PHF21B: variants seen among roughly 807,000 people sequenced by gnomAD.
The protein encoded by PHF21B is PHD finger protein 21B.
Under a neutral mutation model 62.2 loss-of-function variants are expected in PHF21B, and 22 were observed. The ratio of observed to expected loss-of-function variants is 0.35; its 90% CI spans 0.25 to 0.51. PHF21B has a LOEUF of 0.51. PHF21B is among the 20% of genes least tolerant of loss of function. The pLI is 0.97. For synonymous variants in PHF21B, 341 were observed against 314.7 expected (o/e 1.08, Z -0.88); for missense variants, 701 against 707.9 (o/e 0.99, Z 0.11).
chr22:44,905,235 T>G (rs1334487558), intron 5 of PHF21B, among the ~76,000 whole-genome samples: 1 of 152,226 alleles, frequency 6.6e-6, no homozygotes, highest in Non-Finnish European at 1.5e-5. Flanking sequence ...CTCCTATTTT[T>G]TCTTTTACAT....
intron 2 of PHF21B, among the ~76,000 whole-genome samples, chr22:44,978,986 C>T (rs1439469628): frequency 1.3e-5 from 2 of 152,210 alleles, no homozygotes; most frequent in Non-Finnish European, 2.9e-5. Context: ...CACAGCCTCA[C>T]CCCCAGTAAC....
chr22:44,911,860 C>T (rs371158772), intron 5 of PHF21B, among the ~76,000 whole-genome samples: 19 of 151,524 alleles, frequency 1.3e-4, no homozygotes, highest in African/African-American at 3.9e-4. Flanking sequence ...ACCAACAGCT[C>T]GTACTGTGCA....
At chr22:45,006,276 C>G (rs2147545852) in intron 2 of PHF21B, among the ~76,000 whole-genome samples, 1 of 152,334 alleles carries the variant, frequency 6.6e-6, no homozygotes, top group African/African-American at 2.4e-5. Flanking sequence ...CAGGCCAAAT[C>G]CTGGCTGCTT....
In PHF21B at chr22:44,893,176, G is replaced by A. The variant is rs115093466; in HGVS notation, c.960+281C>T. 3.7e-3 allele frequency among the ~76,000 whole-genome samples: 561 copies of A among 152,194 alleles called. 3 individuals carry two copies. Among genetic ancestry groups the A allele is most frequent in the African/African-American group, 0.013 (543 of 41,536 alleles). On this transcript the variant is annotated intron_variant, in intron 7 of 12. Transcript: ENST00000313237. ...GATTTGCCTGATCATTCAGGGTGAA[G>A]AGGCAAGAAGCCGGTGTACCTCACA...
intron 2 of PHF21B, among the ~76,000 whole-genome samples, chr22:44,946,212 C>T (rs1327870473): frequency 3.3e-5 from 5 of 152,042 alleles, no homozygotes; most frequent in Non-Finnish European, 2.9e-5. Context: ...GGGGGCACCA[C>T]GTACTTCTGG....
chr22:44,930,538 A>G (rs1235780553), intron 2 of PHF21B, among the ~76,000 whole-genome samples: 2 of 125,884 alleles, frequency 1.6e-5, no homozygotes, highest in African/African-American at 3.0e-5. Context: ...GAAAGCACAT[A>G]GGAGTCGGGA....
At chr22:44,979,958 A>G (rs1456277823) in intron 2 of PHF21B, among the ~76,000 whole-genome samples, 1 of 149,454 alleles carries the variant, frequency 6.7e-6, no homozygotes, top group Non-Finnish European at 1.5e-5. Flanking sequence ...AGTCCCAGCT[A>G]CTCGGGAGGC....
intron 2 of PHF21B, among the ~76,000 whole-genome samples, chr22:44,977,077 G>GT (rs2045164793): frequency 1.3e-5 from 2 of 152,102 alleles, no homozygotes; most frequent in African/African-American, 4.8e-5. Flanking sequence ...CTGTGATCAT[G>GT]TCACTGCACT....
chr22:44,926,563 C>A (rs554253708), intron 2 of PHF21B, among the ~76,000 whole-genome samples: 223 of 152,298 alleles, frequency 1.5e-3, no homozygotes, highest in African/African-American at 5.2e-3. Context: ...CTCTGTGAGT[C>A]CTGGAGGGTT....
intron 5 of PHF21B, among the ~76,000 whole-genome samples, chr22:44,899,636 T>TC (rs934492878): frequency 2.6e-5 from 4 of 151,766 alleles, no homozygotes; most frequent in Admixed American, 6.6e-5. Flanking sequence ...TCTCCTTCCT[T>TC]CTTCTTCTCC....
intron 2 of PHF21B, among the ~76,000 whole-genome samples, chr22:44,957,181 G>C (rs2072317201): frequency 6.6e-6 from 1 of 152,246 alleles, no homozygotes; most frequent in African/African-American, 2.4e-5. Context: ...CACAGCCTCT[G>C]CAGGGGACTG....
At position 44,887,956 on chromosome 22, in the gene PHF21B, C is replaced by A; in HGVS notation, c.1197+7G>T. 1 of 1,516,484 alleles carries A rather than the reference C, an allele frequency of 6.6e-7. No individual in the cohort carries two copies. Among genetic ancestry groups the A allele is most frequent in the Non-Finnish European group, 8.8e-7 (1 of 1,130,506 alleles). The allele number at this position is 1,516,484 out of a possible 1,614,324, so 93.9% of individuals were successfully genotyped here. A position where few individuals can be genotyped will look rare whatever the true frequency, so the allele number is the denominator to read the frequency against. On this transcript the variant is annotated splice_region_variant and intron_variant, in intron 10 of 12. Coordinates refer to ENST00000313237, the MANE Select transcript of PHF21B (RefSeq NM_138415.5). The stretch of plus-strand genomic sequence containing the variant: ...CTGGGGTGAGGGGGTCACACAGCCT[C>A]CTGTACCTTCTGCTGGCACCTGGGG...
rs549384092 is a variant in PHF21B at position 44,932,897 on chromosome 22, G to A, written c.121-12407C>T. On this transcript the variant is annotated intron_variant, in intron 2 of 12. Transcript: ENST00000313237. ...ACAGAGCTTAGGCCACAGCTCACTG[G>A]ATTTGACAAACATCTACACCCAAGT... Among the ~76,000 whole-genome samples the A allele has an allele frequency of 2.6e-5, 4 of 152,324 alleles. No individual in the cohort carries two copies. In the South Asian group the frequency reaches 8.3e-4, roughly 32 times the overall value.
At chr22:44,933,502 G>A (rs951586718) in intron 2 of PHF21B, 3 of 985,502 alleles carry the variant, frequency 3.0e-6, no homozygotes, top group Non-Finnish European at 3.6e-6. Context: ...GCACAGATGA[G>A]AGGTTCTGCC....
intron 4 of PHF21B, 90 bp from the exon 5 acceptor site, chr22:44,914,178 G>C: frequency 1.7e-6 from 1 of 586,200 alleles, no homozygotes. Context: ...AGGGGTTGGG[G>C]AGCACAGAGC....
In PHF21B at chr22:44,930,797, G is replaced by A. The variant is rs1035828556; in HGVS notation, c.121-10307C>T. Among the ~76,000 whole-genome samples, 8 of 152,352 alleles carry A rather than the reference G, an allele frequency of 5.3e-5. No homozygotes were observed. In the South Asian group the frequency reaches 1.4e-3, roughly 28 times the overall value. Reference sequence around the variant, plus strand: ...AGGTTGCTGGCCAAGCCCTGAAAGGGCAGGGCGCAAGGGCGGCACCCCCCA... The same window carrying A: ...AGGTTGCTGGCCAAGCCCTGAAAGGACAGGGCGCAAGGGCGGCACCCCCCA... On this transcript the variant is annotated intron_variant, in intron 2 of 12. Transcript: ENST00000313237.
intron 2 of PHF21B, among the ~76,000 whole-genome samples, chr22:44,985,256 G>T (rs965133070): frequency 1.3e-5 from 2 of 152,084 alleles, no homozygotes; most frequent in African/African-American, 4.8e-5. Context: ...AAATTTTACT[G>T]TTGCACACCT....
chr22:44,979,844 G>A (rs1393380746), intron 2 of PHF21B, among the ~76,000 whole-genome samples: 1 of 150,856 alleles, frequency 6.6e-6, no homozygotes, highest in African/African-American at 2.4e-5. Context: ...TGAGGCAGGG[G>A]GATCATTTGA....
intron 2 of PHF21B, among the ~76,000 whole-genome samples, chr22:44,982,125 C>A (rs2072854242): frequency 6.6e-6 from 1 of 152,248 alleles, no homozygotes; most frequent in African/African-American, 2.4e-5. Flanking sequence ...CCTGGTTCTG[C>A]CAGGACTGGC....
Sources: gnomAD v4.1 joint callset for allele counts (sites outside exome capture counted in the v4.1 genomes callset) on GRCh38, gnomAD v4.1.1 for gene constraint, MANE v1.5 for transcripts, NCBI Gene and HGNC (gene_info 2026-07-23, HGNC 2026-07-21) for gene names.